The following CHN2 variants were observed in gnomAD, a reference collection of about 807,000 sequenced individuals.
The protein encoded by CHN2 is beta-chimaerin.
In CHN2, 35 loss-of-function variants were observed where a neutral mutation model predicts 56.3. The ratio of observed to expected loss-of-function variants is 0.62; its 90% CI spans 0.47 to 0.82. The LOEUF (loss-of-function observed/expected upper bound fraction) is 0.82, where lower values mean the gene tolerates loss of function less well. CHN2 is among the 40% of genes least tolerant of loss of function. The probability of loss-of-function intolerance (pLI) is 0.00; values close to 1 mark genes in which losing one functional copy is unlikely to be tolerated. For synonymous variants in CHN2, 210 were observed against 212.8 expected (o/e 0.99, Z 0.12); for missense variants, 491 against 580.5 (o/e 0.85, Z 1.58).
In CHN2 at chr7:29,450,008, C is replaced by T. The variant is rs549217531; in HGVS notation, c.577-30271C>T. On this transcript the variant is annotated intron_variant, in intron 6 of 12. Coordinates refer to ENST00000222792, the MANE Select transcript of CHN2 (RefSeq NM_004067.4). ...TTTCACTCTGAGTTCCGTGAAGTGG[C>T]TTCCAGGATCTTCCCTAGGGGATGT... is the stretch of plus-strand genomic sequence containing the variant. Among the ~76,000 whole-genome samples the T allele has an allele frequency of 6.6e-4, 100 of 152,334 alleles. 2 individuals carry two copies. The South Asian group carries it at 0.012, about 18-fold the overall frequency.
At chr7:29,307,093 G>A (rs1002594351) in intron 1 of CHN2, among the ~76,000 whole-genome samples, 4 of 152,170 alleles carry the variant, frequency 2.6e-5, no homozygotes, top group South Asian at 2.1e-4. Flanking sequence ...TCGCTGATTC[G>A]CCTTCAGCTA....
intron 3 of CHN2, among the ~76,000 whole-genome samples, chr7:29,370,103 G>A (rs1799489635): frequency 6.6e-6 from 1 of 152,178 alleles, no homozygotes; most frequent in South Asian, 2.1e-4. Flanking sequence ...TCAGATGAGT[G>A]TCTGCAGGAG....
chr7:29,221,325 A>G (rs1584778978), intron 1 of CHN2, among the ~76,000 whole-genome samples: 3 of 152,230 alleles, frequency 2.0e-5, no homozygotes, highest in Admixed American at 1.3e-4. Flanking sequence ...CTTTAACAAG[A>G]ATGCTGGATG....
At position 29,240,816 on chromosome 7, in the gene CHN2, TTCG is replaced by T. The variant is rs3046891; in HGVS notation, c.49+45844_49+45846del. On this transcript the variant is annotated intron_variant, in intron 1 of 12. Transcript: ENST00000222792. ...CTTCTTCCTCTTCTTCTTCTTCTTC[TTCG>T]TCGTCGTCGTCGTCGTCTTCGTCTT... Among the ~76,000 whole-genome samples, 1,062 of 149,430 alleles carry T rather than the reference TTCG, an allele frequency of 7.1e-3. 16 individuals are homozygous for T. Among genetic ancestry groups the T allele is most frequent in the African/African-American group, 0.024 (971 of 40,848 alleles).
rs10546638 is a variant in CHN2, at chr7:29,398,058, A to AG, written c.177-302dup. The AG allele has an allele frequency of 9.0e-4, 143 of 159,414 alleles. 3 individuals are homozygous for AG. Among genetic ancestry groups the AG allele is most frequent in the Admixed American group, 6.7e-3 (97 of 14,556 alleles). 9.9% of individuals were successfully genotyped at this position (159,414 alleles called of 1,614,324 possible). ...CTGTTATTTCCCATGGTTAAAAAAA[A>AG]GGGGGGGGGGGGGCGGTGGTTGAGT... On this transcript the variant is annotated intron_variant, in intron 4 of 12. Coordinates refer to ENST00000222792, the MANE Select transcript of CHN2 (RefSeq NM_004067.4).
At chr7:29,374,148 T>G (rs1314590057) in intron 3 of CHN2, among the ~76,000 whole-genome samples, 2 of 152,160 alleles carry the variant, frequency 1.3e-5, no homozygotes, top group Admixed American at 1.3e-4. Flanking sequence ...CTTGTCTCTT[T>G]TTTTCCCCCT....
At chr7:29,226,548 T>C (rs1286040607) in intron 1 of CHN2, among the ~76,000 whole-genome samples, 1 of 152,256 alleles carries the variant, frequency 6.6e-6, no homozygotes, top group African/African-American at 2.4e-5. Context: ...TGAGTCTGTG[T>C]ATTTTAAGAG....
chr7:29,195,237 TC>T (rs1000935768), intron 1 of CHN2: 63 of 434,550 alleles, frequency 1.4e-4, no homozygotes, highest in African/African-American at 1.3e-3. Context: ...ACGCGGGTGT[TC>T]CGGGGCTTGG....
chr7:29,483,965 T>A, intron 7 of CHN2: 1 of 962,538 alleles, frequency 1.0e-6, no homozygotes, highest in Non-Finnish European at 1.5e-6. Flanking sequence ...TATCGTGGTC[T>A]CTGGCACCCA....
chr7:29,459,343 T>A (rs1290497930), intron 6 of CHN2, among the ~76,000 whole-genome samples: 2 of 152,240 alleles, frequency 1.3e-5, no homozygotes, highest in African/African-American at 4.8e-5. Flanking sequence ...TTCCTCCCTG[T>A]CCTTTGTTTT....
chr7:29,165,494 GT>G (rs1402550367), intron 2 of CHN2, among the ~76,000 whole-genome samples: 1 of 152,048 alleles, frequency 6.6e-6, no homozygotes, highest in Admixed American at 6.5e-5. Context: ...CATGTTGTCT[GT>G]TAATAGAGAC....
intron 1 of CHN2, among the ~76,000 whole-genome samples, chr7:29,323,468 A>G (rs1364217505): frequency 1.3e-5 from 2 of 152,206 alleles, no homozygotes; most frequent in African/African-American, 4.8e-5. Flanking sequence ...TAGCTTTGTC[A>G]TACTTTACTG....
At chr7:29,505,649 C>A (rs1438282376) in intron 10 of CHN2, among the ~76,000 whole-genome samples, 1 of 152,248 alleles carries the variant, frequency 6.6e-6, no homozygotes, top group Non-Finnish European at 1.5e-5. Flanking sequence ...TCAGCTCAAG[C>A]CTTTCCTCCT....
chr7:29,456,167 T>C (rs1784737535), intron 6 of CHN2, among the ~76,000 whole-genome samples: 1 of 152,260 alleles, frequency 6.6e-6, no homozygotes, highest in Non-Finnish European at 1.5e-5. Flanking sequence ...TCTTTGAAGA[T>C]GTTTCTGACC....
upstream of CHN2, chr7:29,193,727 T>C (rs1019994616): frequency 4.6e-5 from 7 of 152,222 alleles, no homozygotes; most frequent in East Asian, 1.9e-4. Context: ...ACCTGAGCAG[T>C]TCCTATCCTG....
chr7:29,353,367 C>A (rs1225469772), intron 1 of CHN2, among the ~76,000 whole-genome samples: 2 of 152,210 alleles, frequency 1.3e-5, no homozygotes, highest in African/African-American at 4.8e-5. Context: ...TCAGAAAAGT[C>A]TAACAGCCAG....
chr7:29,402,281 A>G (rs1802285546), intron 6 of CHN2, among the ~76,000 whole-genome samples: 1 of 152,196 alleles, frequency 6.6e-6, no homozygotes, highest in African/African-American at 2.4e-5. Flanking sequence ...ACAGAATCAC[A>G]TCAGTGCAGC....
At chr7:29,483,043 G>A (rs1229342652) in intron 7 of CHN2, among the ~76,000 whole-genome samples, 2 of 151,618 alleles carry the variant, frequency 1.3e-5, no homozygotes, top group Non-Finnish European at 2.9e-5. Context: ...AGATGGTCTC[G>A]ATCTCCTGAC....
chr7:29,497,569 C>T (rs1236400030), intron 8 of CHN2, among the ~76,000 whole-genome samples: 1 of 151,290 alleles, frequency 6.6e-6, no homozygotes, highest in Non-Finnish European at 1.5e-5. Context: ...CCTTATATTT[C>T]CTCTTAGCAG....
Sources: gnomAD v4.1 joint callset for allele counts (sites outside exome capture counted in the v4.1 genomes callset) on GRCh38, gnomAD v4.1.1 for gene constraint, MANE v1.5 for transcripts, NCBI Gene and HGNC (gene_info 2026-07-23, HGNC 2026-07-21) for gene names.